ATP13A3: variants seen among roughly 807,000 people sequenced by gnomAD.
The protein encoded by ATP13A3 is polyamine-transporting ATPase 13A3.
ATP13A3 carries 59 observed loss-of-function variants against 158.1 expected under a neutral mutation model. The ratio of observed to expected loss-of-function variants is 0.37; its 90% confidence interval spans 0.30 to 0.46. ATP13A3 has a LOEUF of 0.46. ATP13A3 is among the 20% of genes least tolerant of loss of function. The probability of loss-of-function intolerance (pLI) is 1.00; values close to 1 mark genes in which losing one functional copy is unlikely to be tolerated. For missense variants in ATP13A3, 1,166 were observed against 1,525.2 expected, an observed-to-expected ratio of 0.76 and a Z score of 3.92; for synonymous variants, 491 against 504.3, an observed-to-expected ratio of 0.97 and a Z score of 0.35.
chr3:194,423,538 C>T (rs1716540865), intron 30 of ATP13A3, among the ~76,000 whole-genome samples: 1 of 152,194 alleles, frequency 6.6e-6, no homozygotes, highest in South Asian at 2.1e-4. Context: ...AACTGCACTG[C>T]TCCTTTCGTA....
Position 194,403,275 on chromosome 3 carries a change from T to C in ATP13A3, c.*2644A>G, listed in dbSNP as rs1019476295. Reference sequence around the variant, plus strand: ...TAGATGCAAGTGCAATTGGGAAAGCTTTCGAATTTCAGGATTATAAAACTA... The same window carrying C: ...TAGATGCAAGTGCAATTGGGAAAGCCTTCGAATTTCAGGATTATAAAACTA... On this transcript the variant is annotated 3_prime_UTR_variant, in exon 34 of 34. Transcript: ENST00000645319. 2 of 152,214 alleles carry C rather than the reference T, an allele frequency of 1.3e-5. No individual in the cohort carries two copies. The highest frequency in any genetic ancestry group is 4.8e-5 in the African/African-American group (2 of 41,456). 9.4% of individuals were successfully genotyped at this position (152,214 alleles called of 1,614,324 possible).
At chr3:194,444,960 C>T (rs909995507) in intron 14 of ATP13A3, among the ~76,000 whole-genome samples, 174 bp from the exon 15 acceptor site, 2 of 151,996 alleles carry the variant, frequency 1.3e-5, no homozygotes, top group Non-Finnish European at 2.9e-5. Flanking sequence ...AGAATGGCTT[C>T]CAGGACATAT....
At chr3:194,487,939 T>C (rs1276475051), upstream of ATP13A3, 1 of 152,394 alleles carries the variant, frequency 6.6e-6, no homozygotes, top group African/African-American at 2.4e-5. Flanking sequence ...GAGCCCTTAG[T>C]CCCTGGACAC....
chr3:194,471,682 C>G (rs920140863), intron 2 of ATP13A3, among the ~76,000 whole-genome samples: 1 of 152,228 alleles, frequency 6.6e-6, no homozygotes, highest in Non-Finnish European at 1.5e-5. Flanking sequence ...ACTAATTCAT[C>G]TAAGTATTAA....
chr3:194,414,477 G>A (rs1715671329), intron 31 of ATP13A3, among the ~76,000 whole-genome samples: 1 of 145,398 alleles, frequency 6.9e-6, no homozygotes, highest in Admixed American at 6.8e-5. Context: ...AAAAAAAAGA[G>A]GTACCAATCT....
chr3:194,428,808 T>C (rs1717005392), intron 28 of ATP13A3, 37 bp downstream of exon 28: 1 of 1,447,340 alleles, frequency 6.9e-7, no homozygotes, highest in Non-Finnish European at 9.6e-7. Context: ...CAGAATTTCA[T>C]ACACTTTAAA....
At chr3:194,453,572 C>G in intron 10 of ATP13A3, 134 bp downstream of exon 10, 1 of 707,834 alleles carries the variant, frequency 1.4e-6, no homozygotes, top group East Asian at 3.0e-5. Flanking sequence ...GCACTCCAGC[C>G]TAAGTGACAG....
intron 2 of ATP13A3, among the ~76,000 whole-genome samples, chr3:194,492,178 A>G (rs1429594572): frequency 6.6e-6 from 1 of 151,748 alleles, no homozygotes; most frequent in African/African-American, 2.4e-5. Context: ...CCCCTTCCCC[A>G]AGTTACTCCA....
intron 2 of ATP13A3, among the ~76,000 whole-genome samples, chr3:194,471,181 C>A (rs1320049729): frequency 6.6e-6 from 1 of 151,984 alleles, no homozygotes; most frequent in East Asian, 1.9e-4. Flanking sequence ...CTGCATCTTA[C>A]CCCAGGCAAG....
In ATP13A3 at chr3:194,494,159, A is replaced by G. The variant is rs1425204939; in HGVS notation, n.637T>C. On this transcript the variant is annotated non_coding_transcript_exon_variant, in exon 2 of 33. Coordinates refer to the ATP13A3 transcript ENST00000687055. This position sits in a 1 kb window ranked among gnomAD's most constrained non-coding sequence, Gnocchi z 4.2. Reference sequence around the variant, plus strand: ...ATTCACCAGAATGAGTTCATCTCGCATCAAAACTCTGGATTATCTGTTTAA... The same window carrying G: ...ATTCACCAGAATGAGTTCATCTCGCGTCAAAACTCTGGATTATCTGTTTAA... 1 of 398,492 alleles carries G rather than the reference A, an allele frequency of 2.5e-6. No individual in the cohort carries two copies. Among genetic ancestry groups the G allele is most frequent in the Non-Finnish European group, 4.4e-6 (1 of 226,092 alleles). The allele number at this position is 398,492 out of a possible 1,614,324, so 24.7% of individuals were successfully genotyped here.
In ATP13A3 at chr3:194,404,209, G is replaced by A. The variant is rs1714789421; in HGVS notation, c.*1710C>T. 1 of 417,806 alleles carries A rather than the reference G, an allele frequency of 2.4e-6. No homozygotes were observed. Among genetic ancestry groups the A allele is most frequent in the Non-Finnish European group, 4.7e-6 (1 of 214,300 alleles). 25.9% of individuals were successfully genotyped at this position (417,806 alleles called of 1,614,324 possible). ...GCATAGCTTCATAGAATCATTCATG[G>A]AACAACTGTTATCATCTAATGTGTA... On this transcript the variant is annotated 3_prime_UTR_variant, in exon 34 of 34. Coordinates refer to ENST00000645319, the MANE Select transcript of ATP13A3 (RefSeq NM_001367549.1).
chr3:194,462,271 A>C, intron 2 of ATP13A3, 35 bp from the exon 3 acceptor site: 1 of 1,338,414 alleles, frequency 7.5e-7, no homozygotes, highest in Non-Finnish European at 1.1e-6. Context: ...TTAGGGAACT[A>C]TCTTCTATCT....
At chr3:194,446,526 TA>T (rs1243008939) in intron 14 of ATP13A3, among the ~76,000 whole-genome samples, 1 of 152,234 alleles carries the variant, frequency 6.6e-6, no homozygotes, top group African/African-American at 2.4e-5. Flanking sequence ...GGTAAATAAT[TA>T]CCTTACTTGT....
Position 194,405,804 on chromosome 3 carries a change from T to C in ATP13A3, c.*115A>G. ...AGCAAAGCTGTCAAATAAGCTACTA[T>C]ATCAGAAGGGACATAAACTGAACTA... On this transcript the variant is annotated 3_prime_UTR_variant, in exon 34 of 34. Coordinates refer to ENST00000645319, the MANE Select transcript of ATP13A3 (RefSeq NM_001367549.1). The C allele has an allele frequency of 9.4e-7, 1 of 1,063,138 alleles. No homozygotes were observed. The highest frequency in any genetic ancestry group is 1.4e-6 in the Non-Finnish European group (1 of 715,572). 65.9% of individuals were successfully genotyped at this position (1,063,138 alleles called of 1,614,324 possible).
In ATP13A3 at chr3:194,453,941, C is replaced by T. The variant is rs183339540; in HGVS notation, c.766-163G>A. 75 of 655,584 alleles carry T rather than the reference C, an allele frequency of 1.1e-4. 1 individual carries two copies. In the Admixed American group the frequency reaches 1.4e-3, roughly 12 times the overall value. 40.6% of individuals were successfully genotyped at this position (655,584 alleles called of 1,614,324 possible). A position where few individuals can be genotyped will look rare whatever the true frequency, so the allele number is the denominator to read the frequency against. Reference sequence around the variant, plus strand: ...GAGTATTCATTGTTTTAGTTCAAGACAAAACAAGAAGCACTTTAACAGGAT... The same window carrying T: ...GAGTATTCATTGTTTTAGTTCAAGATAAAACAAGAAGCACTTTAACAGGAT... On this transcript the variant is annotated intron_variant, in intron 9 of 33. Transcript: ENST00000645319.
At chr3:194,485,737 A>T (rs1315747300) in intron 2 of ATP13A3, 57 bp downstream of exon 2, 1 of 152,166 alleles carries the variant, frequency 6.6e-6, no homozygotes, top group Non-Finnish European at 1.5e-5. Context: ...ATAACCACTA[A>T]ATATAGCTCT....
chr3:194,485,269 A>G (rs1720922175), intron 2 of ATP13A3, among the ~76,000 whole-genome samples: 1 of 152,198 alleles, frequency 6.6e-6, no homozygotes, highest in African/African-American at 2.4e-5. Context: ...ACTTCGAACA[A>G]CTTCCAAGCA....
intron 33 of ATP13A3, among the ~76,000 whole-genome samples, chr3:194,407,189 C>T (rs1418658393): frequency 6.6e-6 from 1 of 152,208 alleles, no homozygotes; most frequent in African/African-American, 2.4e-5. Flanking sequence ...AGAACAGCCA[C>T]TTCGTAATGA....
intron 20 of ATP13A3, among the ~76,000 whole-genome samples, chr3:194,435,445 T>G (rs143040122): frequency 6.6e-6 from 1 of 151,654 alleles, no homozygotes; most frequent in African/African-American, 2.4e-5. Flanking sequence ...AGGGAAATGC[T>G]AAAACCTGTT....
Sources: allele counts gnomAD v4.1 joint callset (sites outside exome capture counted in the v4.1 genomes callset), GRCh38; gene constraint gnomAD v4.1.1; non-coding constraint Gnocchi (gnomAD v3.1); transcripts MANE v1.5; gene names NCBI Gene and HGNC (gene_info 2026-07-23, HGNC 2026-07-21).